Variants in TCF12 observed in about 807,000 individuals in gnomAD.
The protein encoded by TCF12 is transcription factor 12.
In TCF12, 45 loss-of-function variants were observed where a neutral mutation model predicts 86.0. That is an observed-to-expected ratio of 0.52 (90% CI 0.41 to 0.67). The LOEUF is 0.67. TCF12 is among the 30% of genes least tolerant of loss of function. The pLI is 0.00. For missense variants in TCF12, 881 were observed against 859.9 expected, an observed-to-expected ratio of 1.02 and a Z score of -0.31; for synonymous variants, 330 against 299.6, an observed-to-expected ratio of 1.10 and a Z score of -1.05.
At chr15:57,032,483 C>T (rs771895552) in intron 3 of TCF12, among the ~76,000 whole-genome samples, 3 of 152,260 alleles carry the variant, frequency 2.0e-5, no homozygotes, top group South Asian at 2.1e-4. Context: ...GGCTGGAGTG[C>T]GCTGGCACAA....
At chr15:57,180,127 C>A (rs1196268760) in intron 6 of TCF12, among the ~76,000 whole-genome samples, 1 of 151,988 alleles carries the variant, frequency 6.6e-6, no homozygotes. Flanking sequence ...GCGATATTTT[C>A]CAAATTTGAA....
At chr15:57,162,591 T>G (rs114509136) in intron 5 of TCF12, among the ~76,000 whole-genome samples, 3 of 152,348 alleles carry the variant, frequency 2.0e-5, no homozygotes, top group African/African-American at 7.2e-5. Flanking sequence ...ACTTTTACTT[T>G]GTAACATCTT....
chr15:56,977,561 G>A (rs566587224), intron 3 of TCF12, among the ~76,000 whole-genome samples: 1 of 149,870 alleles, frequency 6.7e-6, no homozygotes, highest in South Asian at 2.1e-4. Flanking sequence ...GTGTGTGTGT[G>A]TGTATGTATG....
chr15:57,262,979 A>G, intron 17 of TCF12, 133 bp from the exon 18 acceptor site: 2 of 854,378 alleles, frequency 2.3e-6, no homozygotes, highest in Non-Finnish European at 3.5e-6. Flanking sequence ...ATACTTTCCT[A>G]CATCTTCAAA....
chr15:57,099,769 T>C (rs1225899394), intron 5 of TCF12, among the ~76,000 whole-genome samples: 1 of 152,138 alleles, frequency 6.6e-6, no homozygotes, highest in African/African-American at 2.4e-5. Flanking sequence ...TATAGTAGAT[T>C]TGTTTTGTTT....
chr15:57,063,456 G>A (rs1946560485), intron 3 of TCF12, among the ~76,000 whole-genome samples: 1 of 152,228 alleles, frequency 6.6e-6, no homozygotes, highest in South Asian at 2.1e-4. Flanking sequence ...AGAAGTAGCA[G>A]TGCAGGGCGT....
chr15:57,103,932 C>T (rs755624562), intron 5 of TCF12, among the ~76,000 whole-genome samples: 2 of 151,978 alleles, frequency 1.3e-5, no homozygotes, highest in Non-Finnish European at 2.9e-5. Context: ...TGCTTGAACC[C>T]GGGAGGTGGA....
chr15:57,277,429 G>T (rs1272107654), intron 19 of TCF12, among the ~76,000 whole-genome samples: 1 of 151,668 alleles, frequency 6.6e-6, no homozygotes, highest in Non-Finnish European at 1.5e-5. Flanking sequence ...AAGAGATCGA[G>T]ACCATCCTTG....
chr15:57,138,623 G>A (rs1286086082), intron 5 of TCF12, among the ~76,000 whole-genome samples: 1 of 152,202 alleles, frequency 6.6e-6, no homozygotes, highest in South Asian at 2.1e-4. Flanking sequence ...CCAGTTGTAG[G>A]AACAGGGCAG....
chr15:57,031,694 A>G (rs534726620), intron 3 of TCF12, among the ~76,000 whole-genome samples: 110 of 152,318 alleles, frequency 7.2e-4, no homozygotes, highest in African/African-American at 2.4e-3. Context: ...GATCCATTTC[A>G]GTACAGCCAG....
chr15:57,117,703 T>A (rs932716658), intron 5 of TCF12, among the ~76,000 whole-genome samples: 9 of 152,216 alleles, frequency 5.9e-5, no homozygotes, highest in African/African-American at 1.9e-4. Context: ...TTTCTGTTAT[T>A]GGTAAATTAA....
At chr15:57,101,704 A>G (rs2049767179) in intron 5 of TCF12, among the ~76,000 whole-genome samples, 1 of 152,136 alleles carries the variant, frequency 6.6e-6, no homozygotes, top group Admixed American at 6.5e-5. Flanking sequence ...TATACATGAT[A>G]TGTTTTGGTG....
rs1199568931 is a variant in TCF12 at position 57,251,167 on chromosome 15, T to A, written c.1115-183T>A. 2.8e-5 allele frequency: 13 copies of A among 464,058 alleles called. 1 individual carries two copies. The highest frequency in any genetic ancestry group is 8.4e-5 in the South Asian group (2 of 23,764). The allele number at this position is 464,058 out of a possible 1,614,324, so 28.7% of individuals were successfully genotyped here. A position where few individuals can be genotyped will look rare whatever the true frequency, so the allele number is the denominator to read the frequency against. ...TGTTTTCTCAGCACCCCATTTTTTTTATTAATAATGAAAGATTTTTTAAAA... is the reference window on the plus strand; with the variant it reads ...TGTTTTCTCAGCACCCCATTTTTTTAATTAATAATGAAAGATTTTTTAAAA... On this transcript the variant is annotated intron_variant, in intron 13 of 20. Coordinates refer to ENST00000333725, the MANE Select transcript of TCF12 (RefSeq NM_207037.2).
intron 3 of TCF12, among the ~76,000 whole-genome samples, chr15:56,923,038 T>A (rs2059859906): frequency 6.6e-6 from 1 of 152,062 alleles, no homozygotes; most frequent in Admixed American, 6.5e-5. Context: ...AGATCTGACT[T>A]TCCTTTTGAA....
chr15:57,129,001 A>G (rs553465814), intron 5 of TCF12, among the ~76,000 whole-genome samples: 1 of 152,312 alleles, frequency 6.6e-6, no homozygotes, highest in East Asian at 1.9e-4. Context: ...TATTTGCTGT[A>G]CAAGTTTTTG....
chr15:57,265,068 A>AATAGTATAGTATAGTATAGT (rs71113096), intron 18 of TCF12, among the ~76,000 whole-genome samples: 20 of 139,714 alleles, frequency 1.4e-4, no homozygotes, highest in East Asian at 8.3e-4. Context: ...TCTAATGATA[A>AATAGTATAGTATAGTATAGT]ATAGTATAGT....
chr15:57,253,317 G>A lies in TCF12; in HGVS notation c.1316G>A (p.Arg439Gln), dbSNP rs547538579. The A allele has an allele frequency of 1.7e-5, 28 of 1,613,796 alleles. No homozygotes were observed. The highest frequency in any genetic ancestry group is 2.2e-5 in the East Asian group (1 of 44,874). ...DRLDDAIHVLRNHAVGPSTSL... is the reference protein window; with the variant it reads ...DRLDDAIHVLQNHAVGPSTSL... ...CTGGATGATGCAATCCATGTGCTGC[G>A]GAACCATGCTGTGGGACCTTCCACC... The change falls in exon 16 of 21, where the codon CGG (arginine) becomes CAG (glutamine). Residue 439 changes from arginine (R) to glutamine (Q), a missense_variant. Physicochemically the swap from Arg to Gln is conservative, Grantham distance 43. Around this residue, in one of 3 missense-constraint regions of TCF12, gnomAD observed 766 missense variants for 718.9 expected, o/e 1.07. Coordinates refer to ENST00000333725, the MANE Select transcript of TCF12 (RefSeq NM_207037.2).
At chr15:57,008,653 G>C (rs8032615) in intron 3 of TCF12, among the ~76,000 whole-genome samples, 36,456 of 152,028 alleles carry the variant, frequency 0.24, 5,056 homozygotes, top group East Asian at 0.4. Flanking sequence ...ATAATCCCAG[G>C]TTTTTACAGG....
At chr15:57,016,849 A>G (rs1023531596) in intron 3 of TCF12, among the ~76,000 whole-genome samples, 6 of 152,182 alleles carry the variant, frequency 3.9e-5, no homozygotes, top group African/African-American at 1.4e-4. Context: ...GTATATGGAG[A>G]GAGAATTTAT....
Sources: allele counts gnomAD v4.1 joint callset (sites outside exome capture counted in the v4.1 genomes callset), GRCh38; gene constraint gnomAD v4.1.1; regional missense constraint gnomAD v4.1.1; transcripts MANE v1.5; gene names NCBI Gene and HGNC (gene_info 2026-07-23, HGNC 2026-07-21).